Variants in CDYL observed in about 807,000 individuals in gnomAD.
CDYL encodes the protein chromodomain Y like, also known as chromodomain Y-like protein.
Under a neutral mutation model 47.3 loss-of-function variants are expected in CDYL, and 8 were observed. The ratio of observed to expected loss-of-function variants is 0.17; its 90% CI spans 0.10 to 0.31. The LOEUF is 0.31. Ranked by LOEUF, CDYL falls within the 10% of genes least tolerant of loss-of-function variation. The pLI is 1.00. For synonymous variants in CDYL, 266 were observed against 265.0 expected (o/e 1.00, Z -0.04); for missense variants, 471 against 701.4 (o/e 0.67, Z 3.71).
In CDYL at chr6:4,895,481, GTATATATACATGTATACA is replaced by G. The variant is rs1762248560; in HGVS notation, c.691+3109_691+3126del. On this transcript the variant is annotated intron_variant, in intron 2 of 6. Transcript: ENST00000397588. Reference sequence around the variant, plus strand: ...CATGTATACATATATACGTATATATGTATATATACATGTATACATATATACGTATATATGTATATATAC... The same window carrying G: ...CATGTATACATATATACGTATATATGTATATACGTATATATGTATATATAC... Among the ~76,000 whole-genome samples the G allele has an allele frequency of 1.3e-4, 13 of 102,942 alleles. 1 individual carries two copies. The highest frequency in any genetic ancestry group is 4.2e-4 in the African/African-American group (12 of 28,296). The allele number at this position is 102,942 out of a possible 152,430, so 67.5% of individuals were successfully genotyped here. A position where few individuals can be genotyped will look rare whatever the true frequency, so the allele number is the denominator to read the frequency against.
chr6:4,784,674 A>G (rs887011071), intron 1 of CDYL, among the ~76,000 whole-genome samples: 1 of 152,204 alleles, frequency 6.6e-6, no homozygotes, highest in African/African-American at 2.4e-5. Context: ...GTCCCGTAAG[A>G]TTATAATACC....
At chr6:4,860,268 A>T (rs1761126327) in intron 1 of CDYL, among the ~76,000 whole-genome samples, 1 of 152,088 alleles carries the variant, frequency 6.6e-6, no homozygotes, top group African/African-American at 2.4e-5. Flanking sequence ...CTGTGACTTT[A>T]GTGTTAACGT....
intron 2 of CDYL, among the ~76,000 whole-genome samples, chr6:4,905,508 G>T (rs1032232033): frequency 6.6e-6 from 1 of 152,220 alleles, no homozygotes; most frequent in Non-Finnish European, 1.5e-5. Flanking sequence ...CGCAGGGGCA[G>T]TGGGGGGATA....
At chr6:4,928,945 G>A (rs1757955755) in intron 2 of CDYL, among the ~76,000 whole-genome samples, 1 of 152,134 alleles carries the variant, frequency 6.6e-6, no homozygotes, top group Non-Finnish European at 1.5e-5. Flanking sequence ...ATGAGGCCAA[G>A]CAGTTACTAC....
chr6:4,927,353 G>A (rs529405320), intron 2 of CDYL, among the ~76,000 whole-genome samples: 1,351 of 93,320 alleles, frequency 0.014, 32 homozygotes, highest in South Asian at 0.13. Flanking sequence ...AAGGTAGAAA[G>A]AACGTCTTTT....
chr6:4,839,798 A>T (rs1760433716), intron 1 of CDYL, among the ~76,000 whole-genome samples: 1 of 152,144 alleles, frequency 6.6e-6, no homozygotes, highest in Non-Finnish European at 1.5e-5. Flanking sequence ...TTATACCAGT[A>T]CCATGCTGTT....
intron 2 of CDYL, among the ~76,000 whole-genome samples, chr6:4,723,673 G>C (rs1187365698): frequency 6.6e-6 from 1 of 152,164 alleles, no homozygotes; most frequent in African/African-American, 2.4e-5. Flanking sequence ...GAGGAAGGGG[G>C]CTTGTTGATG....
chr6:4,930,801 C>G (rs1758010167), intron 2 of CDYL, among the ~76,000 whole-genome samples: 1 of 152,138 alleles, frequency 6.6e-6, no homozygotes, highest in African/African-American at 2.4e-5. Context: ...GGTTTCTTTC[C>G]TAGTCGAATG....
Position 4,953,948 on chromosome 6 carries a change from G to A in CDYL, c.1527G>A (p.Leu509=), listed in dbSNP as rs1466590180. 2.5e-6 allele frequency: 4 copies of A among 1,613,980 alleles called. No homozygotes were observed. In the Admixed American group the frequency reaches 5.0e-5, roughly 20 times the overall value. Residue 509 remains leucine, a synonymous_variant, in exon 7 of 7, where the codon CTG becomes CTA. Transcript: ENST00000397588. ...ALVRCNMKME[L]EQANERECEV... ...TGCGCTGCAACATGAAGATGGAGCTGGAGCAGGCCAACGAGAGGGAGTGTG... is the reference window on the plus strand; with the variant it reads ...TGCGCTGCAACATGAAGATGGAGCTAGAGCAGGCCAACGAGAGGGAGTGTG...
chr6:4,900,636 C>T (rs1241837805), intron 2 of CDYL, among the ~76,000 whole-genome samples: 1 of 151,404 alleles, frequency 6.6e-6, no homozygotes, highest in Non-Finnish European at 1.5e-5. Context: ...TTTACCTATT[C>T]TTAACCAACA....
chr6:4,749,535 G>A (rs1757955789), intron 3 of CDYL, among the ~76,000 whole-genome samples: 1 of 152,190 alleles, frequency 6.6e-6, no homozygotes, highest in African/African-American at 2.4e-5. Context: ...ATTTAGGGCT[G>A]CCACCACTAT....
At chr6:4,785,261 C>T (rs560179069) in intron 1 of CDYL, among the ~76,000 whole-genome samples, 9 of 152,312 alleles carry the variant, frequency 5.9e-5, no homozygotes, top group South Asian at 2.1e-4. Flanking sequence ...TGCCTAACAA[C>T]GCATTTCTGA....
chr6:4,949,945 C>T (rs1758645993), intron 5 of CDYL, among the ~76,000 whole-genome samples: 5 of 152,330 alleles, frequency 3.3e-5, no homozygotes, highest in African/African-American at 1.2e-4. Flanking sequence ...TTGTCCTGCA[C>T]ATCCAACCAC....
intron 1 of CDYL, among the ~76,000 whole-genome samples, chr6:4,823,284 C>G (rs531202586): frequency 1.3e-5 from 2 of 152,284 alleles, no homozygotes; most frequent in African/African-American, 4.8e-5. Flanking sequence ...AGAACAGTCC[C>G]AATTCCATTT....
intron 1 of CDYL, among the ~76,000 whole-genome samples, chr6:4,713,346 CTAGAAA>C (rs1159869165): frequency 6.6e-6 from 1 of 151,990 alleles, no homozygotes; most frequent in African/African-American, 2.4e-5. Flanking sequence ...GAGCCATAAG[CTAGAAA>C]GGTCCCCAAG....
intron 1 of CDYL, among the ~76,000 whole-genome samples, chr6:4,778,951 T>G (rs1399749238): frequency 6.6e-6 from 1 of 152,180 alleles, no homozygotes; most frequent in African/African-American, 2.4e-5. Context: ...TCTGTGAAAT[T>G]GGGATCAGTG....
At chr6:4,943,984 A>C (rs1431133832) in intron 5 of CDYL, among the ~76,000 whole-genome samples, 1 of 152,302 alleles carries the variant, frequency 6.6e-6, no homozygotes. Context: ...ATTCACATGG[A>C]TATCTACTGT....
chr6:4,854,718 G>A (rs1306783234), intron 1 of CDYL, among the ~76,000 whole-genome samples: 2 of 152,182 alleles, frequency 1.3e-5, no homozygotes, highest in Admixed American at 6.5e-5. Context: ...CACATCAGTG[G>A]CAGCACAAGG....
chr6:4,720,147 T>C (rs1757341529), intron 2 of CDYL, among the ~76,000 whole-genome samples: 1 of 152,246 alleles, frequency 6.6e-6, no homozygotes, highest in Non-Finnish European at 1.5e-5. Flanking sequence ...TCTTATTTCA[T>C]GTCCTCACAT....
Sources: gnomAD v4.1 joint callset for allele counts (sites outside exome capture counted in the v4.1 genomes callset) on GRCh38, gnomAD v4.1.1 for gene constraint, MANE v1.5 for transcripts, NCBI Gene and HGNC (gene_info 2026-07-23, HGNC 2026-07-21) for gene names.